Variants in CDC14A observed in about 807,000 individuals in gnomAD.
CDC14A encodes dual specificity protein phosphatase CDC14A.
Under a neutral mutation model 74.4 loss-of-function variants are expected in CDC14A, and 53 were observed. The observed-to-expected ratio is 0.71, with a 90% CI of 0.57 to 0.89. The LOEUF (loss-of-function observed/expected upper bound fraction) is 0.89, where lower values mean the gene tolerates loss of function less well. Among genes scored for constraint, CDC14A ranks in the 40% least tolerant of loss-of-function variants. The pLI, the probability that CDC14A is intolerant of heterozygous loss-of-function variation, is 0.00. For missense variants in CDC14A, 646 were observed against 713.7 expected, an observed-to-expected ratio of 0.91 and a Z score of 1.08; for synonymous variants, 247 against 258.4, an observed-to-expected ratio of 0.96 and a Z score of 0.43.
At chr1:100,474,212 G>C (rs1416239544) in intron 10 of CDC14A, among the ~76,000 whole-genome samples, 1 of 152,164 alleles carries the variant, frequency 6.6e-6, no homozygotes, top group African/African-American at 2.4e-5. Context: ...TGGTCATGGT[G>C]TGTAATTCTT....
intron 4 of CDC14A, chr1:100,391,114 G>A: frequency 7.6e-6 from 3 of 394,394 alleles, no homozygotes; most frequent in Non-Finnish European, 1.4e-5. Flanking sequence ...GACATTTCTA[G>A]GAAAAAAAAA....
intron 9 of CDC14A, 174 bp downstream of exon 9, chr1:100,463,055 C>A (rs1381462260): frequency 1.7e-6 from 1 of 599,914 alleles, no homozygotes; most frequent in Non-Finnish European, 2.9e-6. Context: ...GAAACGATTG[C>A]TTGGGTGTGG....
chr1:100,485,442 G>A (rs576830484), intron 11 of CDC14A: 1 of 395,354 alleles, frequency 2.5e-6, no homozygotes, highest in African/African-American at 2.2e-5. Flanking sequence ...GTGTGCCTGT[G>A]TGGTCCCAGT....
chr1:100,483,591 G>A (rs1336912355), intron 10 of CDC14A, among the ~76,000 whole-genome samples: 2 of 152,054 alleles, frequency 1.3e-5, no homozygotes, highest in African/African-American at 2.4e-5. Context: ...AATGTATGAA[G>A]GTGATCCCAC....
chr1:100,420,120 GTTTT>G (rs61463263), intron 4 of CDC14A, among the ~76,000 whole-genome samples: 5 of 48,200 alleles, frequency 1.0e-4, no homozygotes, highest in East Asian at 5.7e-4. Flanking sequence ...TGCTGAAAAG[GTTTT>G]TTTTTTTTTT....
At chr1:100,413,437 G>A (rs1000140594) in intron 4 of CDC14A, among the ~76,000 whole-genome samples, 4 of 152,054 alleles carry the variant, frequency 2.6e-5, no homozygotes, top group South Asian at 4.1e-4. Flanking sequence ...ATTTGAAAAA[G>A]AATAAAATGA....
upstream of CDC14A, among the ~76,000 whole-genome samples, chr1:100,348,281 CAAAAAAAA>C (rs59269474): frequency 0.01 from 884 of 87,216 alleles, 2 homozygotes; most frequent in Non-Finnish European, 0.016. Flanking sequence ...GACTCCATTT[CAAAAAAAA>C]AAAAAAAAAA....
At chr1:100,347,012 A>G (rs1300493019) in intron 1 of CDC14A, among the ~76,000 whole-genome samples, 1 of 152,246 alleles carries the variant, frequency 6.6e-6, no homozygotes, top group Non-Finnish European at 1.5e-5. Flanking sequence ...ATAATGCAAC[A>G]TCTTATATTG....
At chr1:100,489,082 G>A (rs1413435049) in intron 11 of CDC14A, among the ~76,000 whole-genome samples, 3 of 152,120 alleles carry the variant, frequency 2.0e-5, no homozygotes, top group East Asian at 3.9e-4. Flanking sequence ...AGAGATGTGG[G>A]CAGCTCTGAT....
intron 4 of CDC14A, among the ~76,000 whole-genome samples, chr1:100,398,539 T>C (rs1294083814): frequency 6.6e-6 from 1 of 152,216 alleles, no homozygotes; most frequent in African/African-American, 2.4e-5. Flanking sequence ...TTGTGAGATC[T>C]GTAGTCAGGT....
intron 15 of CDC14A, chr1:100,499,606 A>C (rs1437963983): frequency 8.3e-6 from 5 of 599,124 alleles, no homozygotes; most frequent in Non-Finnish European, 1.3e-5. Flanking sequence ...ATCACTCTGA[A>C]TATCTGGTGC....
intron 11 of CDC14A, among the ~76,000 whole-genome samples, chr1:100,494,449 G>C (rs1281727657): frequency 1.3e-5 from 2 of 152,126 alleles, no homozygotes; most frequent in East Asian, 3.9e-4. Context: ...GATGGGTCCT[G>C]GTAGTATCTA....
intron 13 of CDC14A, among the ~76,000 whole-genome samples, chr1:100,496,593 A>AG (rs1216054880): frequency 1.3e-5 from 2 of 152,206 alleles, no homozygotes. Context: ...TGTTTGGCCA[A>AG]GAGTGTTGAT....
chr1:100,412,710 ATATATATATATATTT>A (rs1291837511), intron 4 of CDC14A, among the ~76,000 whole-genome samples: 96 of 95,988 alleles, frequency 1.0e-3, no homozygotes, highest in Non-Finnish European at 1.2e-3. Flanking sequence ...ATATATATAT[ATATATATATATATTT>A]TATATATATA....
At chr1:100,495,623 T>A (rs1430624014) in intron 12 of CDC14A, among the ~76,000 whole-genome samples, 2 of 152,230 alleles carry the variant, frequency 1.3e-5, no homozygotes, top group Non-Finnish European at 2.9e-5. Flanking sequence ...AACATTTTTT[T>A]GACTTATAAA....
At chr1:100,471,088 C>A (rs947911106) in intron 10 of CDC14A, among the ~76,000 whole-genome samples, 2 of 151,794 alleles carry the variant, frequency 1.3e-5, no homozygotes, top group African/African-American at 2.4e-5. Context: ...AAATACTAGC[C>A]AGCAATAACA....
At chr1:100,501,895 T>C (rs193272266) in intron 15 of CDC14A, among the ~76,000 whole-genome samples, 1 of 152,140 alleles carries the variant, frequency 6.6e-6, no homozygotes, top group Admixed American at 6.5e-5. Context: ...AAGTAAATAC[T>C]AAAGATATTT....
intron 12 of CDC14A, 76 bp from the exon 13 acceptor site, chr1:100,495,926 C>T (rs1647712602): frequency 8.5e-7 from 1 of 1,181,938 alleles, no homozygotes; most frequent in Non-Finnish European, 1.3e-6. Flanking sequence ...GGTTTGATAC[C>T]ATTTGATGTG....
At chr1:100,461,418 G>A (rs998185829) in intron 8 of CDC14A, among the ~76,000 whole-genome samples, 1 of 144,400 alleles carries the variant, frequency 6.9e-6, no homozygotes, top group African/African-American at 2.8e-5. Context: ...CACACAGCGT[G>A]GAAACAGTCT....
Sources: gnomAD v4.1 joint callset for allele counts (sites outside exome capture counted in the v4.1 genomes callset) on GRCh38, gnomAD v4.1.1 for gene constraint, MANE v1.5 for transcripts, NCBI Gene and HGNC (gene_info 2026-07-23, HGNC 2026-07-21) for gene names.